ESR1: variants seen among roughly 807,000 people sequenced by gnomAD.
ESR1 encodes the protein estrogen receptor 1.
ESR1 carries 12 observed loss-of-function variants against 52.7 expected under a neutral mutation model. The ratio of observed to expected loss-of-function variants is 0.23; its 90% confidence interval spans 0.15 to 0.37. ESR1 has a LOEUF of 0.37. Among genes scored for constraint, ESR1 ranks in the 10% least tolerant of loss-of-function variants. ESR1 has a pLI of 1.00. For missense variants in ESR1, 584 were observed against 779.7 expected (o/e 0.75, Z 2.99); for synonymous variants, 305 against 316.8 (o/e 0.96, Z 0.39).
intron 6 of ESR1, among the ~76,000 whole-genome samples, chr6:152,074,104 T>C (rs912492950): frequency 6.6e-6 from 1 of 152,200 alleles, no homozygotes; most frequent in Admixed American, 6.5e-5. Flanking sequence ...AGCTGATGAA[T>C]CTACATCGAC....
Position 152,101,033 on chromosome 6 carries a change from A to ATTT in ESR1, c.*2067_*2068insTTT. The stretch of plus-strand genomic sequence containing the variant: ...ATGCAAAAACCAAGGAAAAATATTT[A>ATTT]GTTTTTTTTTTTTTTTTTGTATACT... On this transcript the variant is annotated 3_prime_UTR_variant, in exon 8 of 8. Transcript: ENST00000206249. 4.8e-6 allele frequency: 1 copy of ATTT among 207,700 alleles called. No homozygotes were observed. Among genetic ancestry groups the ATTT allele is most frequent in the East Asian group, 6.9e-5 (1 of 14,472 alleles). The allele number at this position is 207,700 out of a possible 1,614,324, so 12.9% of individuals were successfully genotyped here.
chr6:151,690,381 C>T (rs912347622), upstream of ESR1: 6 of 152,182 alleles, frequency 3.9e-5, no homozygotes, highest in African/African-American at 1.4e-4. Context: ...AGATTCGGGC[C>T]TGGCTTGGCA....
intron 3 of ESR1, among the ~76,000 whole-genome samples, chr6:151,921,275 T>A (rs1209904804): frequency 1.3e-5 from 2 of 152,220 alleles, no homozygotes; most frequent in African/African-American, 4.8e-5. Context: ...CCTTCCTTTT[T>A]ATGGCTGCAT....
chr6:151,782,121 G>C (rs1406517271), intron 2 of ESR1, among the ~76,000 whole-genome samples: 1 of 152,098 alleles, frequency 6.6e-6, no homozygotes, highest in African/African-American at 2.4e-5. Flanking sequence ...TAAAACTGAA[G>C]ACTTCAAATT....
At chr6:151,767,491 G>GTGAT (rs534649410) in intron 2 of ESR1, among the ~76,000 whole-genome samples, 108 of 151,962 alleles carry the variant, frequency 7.1e-4, no homozygotes, top group Non-Finnish European at 1.3e-3. Flanking sequence ...GTTTCTAAAT[G>GTGAT]TGATAAAAGA....
At chr6:151,945,328 T>A (rs1014627796) in intron 4 of ESR1, among the ~76,000 whole-genome samples, 3 of 152,208 alleles carry the variant, frequency 2.0e-5, no homozygotes, top group African/African-American at 7.2e-5. Flanking sequence ...TGGTGTATGC[T>A]TAGTGTTTTA....
chr6:151,890,743 CTTT>C (rs1794589553), intron 3 of ESR1, among the ~76,000 whole-genome samples: 1 of 152,090 alleles, frequency 6.6e-6, no homozygotes, highest in Non-Finnish European at 1.5e-5. Flanking sequence ...TAATGGCCTT[CTTT>C]GTCTTATTTT....
intron 2 of ESR1, among the ~76,000 whole-genome samples, chr6:151,760,100 G>T (rs1784562648): frequency 6.6e-6 from 1 of 152,156 alleles, no homozygotes; most frequent in African/African-American, 2.4e-5. Context: ...AGGGAAGGTT[G>T]GCTCAATCTT....
At chr6:151,851,530 G>GTTT (rs11386586) in intron 2 of ESR1, among the ~76,000 whole-genome samples, 26 of 142,346 alleles carry the variant, frequency 1.8e-4, no homozygotes, top group African/African-American at 1.3e-4. Flanking sequence ...TGATGAAGGA[G>GTTT]TTTTTTTTTT....
intron 2 of ESR1, among the ~76,000 whole-genome samples, chr6:151,870,860 T>TC (rs1471505025): frequency 6.7e-6 from 1 of 148,212 alleles, no homozygotes; most frequent in East Asian, 2.0e-4. Flanking sequence ...TTCTTCTTCT[T>TC]TTTTTTTTTA....
chr6:152,124,694 GA>G (rs11305825), intron 6 of ESR1, among the ~76,000 whole-genome samples: 124,430 of 151,848 alleles, frequency 0.82, 51,362 homozygotes, highest in African/African-American at 0.91. Flanking sequence ...TAAGCTGAGG[GA>G]AAAAAAAAGT....
chr6:151,870,522 T>C (rs756999433), intron 2 of ESR1, among the ~76,000 whole-genome samples: 4 of 152,248 alleles, frequency 2.6e-5, no homozygotes, highest in Non-Finnish European at 5.9e-5. Flanking sequence ...CTGAAAGACT[T>C]GTGAATGCGA....
At chr6:151,734,770 G>C (rs2982559) in intron 2 of ESR1, among the ~76,000 whole-genome samples, 1 of 151,654 alleles carries the variant, frequency 6.6e-6, no homozygotes, top group Non-Finnish European at 1.5e-5. Context: ...TTACAGGCTT[G>C]AACCACCATG....
chr6:151,899,498 C>T (rs1440677020), intron 3 of ESR1, among the ~76,000 whole-genome samples: 4 of 146,810 alleles, frequency 2.7e-5, no homozygotes, highest in Admixed American at 2.0e-4. Flanking sequence ...ACCTCCCTCC[C>T]GGACGGGGCG....
intron 1 of ESR1, among the ~76,000 whole-genome samples, chr6:151,809,628 G>A (rs982065402): frequency 6.6e-6 from 1 of 152,174 alleles, no homozygotes; most frequent in African/African-American, 2.4e-5. Context: ...ATAGCAGAAG[G>A]AAGGGGACTA....
intron 4 of ESR1, among the ~76,000 whole-genome samples, chr6:152,000,671 T>A (rs558191253): frequency 6.6e-6 from 1 of 152,150 alleles, no homozygotes; most frequent in East Asian, 1.9e-4. Context: ...TGCATGTCCT[T>A]GTATCTAAGA....
chr6:151,851,777 C>T (rs1050433196), intron 2 of ESR1, among the ~76,000 whole-genome samples: 5 of 152,188 alleles, frequency 3.3e-5, no homozygotes, highest in African/African-American at 1.2e-4. Context: ...ATCTACCCGC[C>T]TTGGCCTCCC....
intron 1 of ESR1, among the ~76,000 whole-genome samples, chr6:151,667,619 C>G (rs1348557237): frequency 1.3e-5 from 2 of 152,218 alleles, no homozygotes; most frequent in Non-Finnish European, 2.9e-5. Flanking sequence ...GTCATCCAAA[C>G]TGTGACTGCC....
chr6:151,976,494 A>C (rs1453075606), intron 4 of ESR1, among the ~76,000 whole-genome samples: 1 of 151,946 alleles, frequency 6.6e-6, no homozygotes, highest in Non-Finnish European at 1.5e-5. Flanking sequence ...TGCCTATAAA[A>C]CCTTTTTGGT....
Sources: allele counts gnomAD v4.1 joint callset (sites outside exome capture counted in the v4.1 genomes callset), GRCh38; gene constraint gnomAD v4.1.1; transcripts MANE v1.5; gene names NCBI Gene and HGNC (gene_info 2026-07-23, HGNC 2026-07-21).